The following HDAC4 variants were observed in gnomAD, a reference collection of about 807,000 sequenced individuals.
HDAC4 encodes histone deacetylase 4.
In HDAC4, 16 loss-of-function variants were observed where a neutral mutation model predicts 135.1. That is an observed-to-expected ratio of 0.12 (90% CI 0.08 to 0.18). The LOEUF (loss-of-function observed/expected upper bound fraction) is 0.18. Ranked by LOEUF, HDAC4 falls within the 10% of genes least tolerant of loss-of-function variation. The pLI is 1.00. For synonymous variants in HDAC4, 685 were observed against 653.4 expected (o/e 1.05, Z -0.74); for missense variants, 1,143 against 1,511.8 (o/e 0.76, Z 4.05).
chr2:239,220,978 G>A (rs1271170524), intron 3 of HDAC4, among the ~76,000 whole-genome samples: 1 of 152,130 alleles, frequency 6.6e-6, no homozygotes, highest in African/African-American at 2.4e-5. Flanking sequence ...TCATGACCAA[G>A]GCGAGGTACT....
chr2:239,337,097 A>G (rs928909490), intron 2 of HDAC4, among the ~76,000 whole-genome samples: 1 of 152,310 alleles, frequency 6.6e-6, no homozygotes, highest in African/African-American at 2.4e-5. Flanking sequence ...CACGGGGGAA[A>G]GTGCCATTCT....
At chr2:239,104,605 T>C (rs1260343917) in intron 15 of HDAC4, among the ~76,000 whole-genome samples, 1 of 152,204 alleles carries the variant, frequency 6.6e-6, no homozygotes, top group Non-Finnish European at 1.5e-5. Context: ...CAGGGCCAAG[T>C]TCCCTCTGGA....
intron 3 of HDAC4, among the ~76,000 whole-genome samples, chr2:239,227,031 T>C (rs1224293921): frequency 1.3e-5 from 2 of 152,136 alleles, no homozygotes; most frequent in African/African-American, 4.8e-5. Flanking sequence ...CACAAAATGC[T>C]GGAAGTCAGA....
In HDAC4 at chr2:239,308,255, C is replaced by T. The variant is rs1301707341; in HGVS notation, c.22+44423G>A. On this transcript the variant is annotated intron_variant, in intron 2 of 26. Coordinates refer to ENST00000543185, the MANE Select transcript of HDAC4 (RefSeq NM_001378414.1). The surrounding 1 kb of genome is among the most constrained non-coding windows in gnomAD (Gnocchi z 4.2). ...AGCTAGAGACCCGGGGGGGAGTCCA[C>T]TGCCTTGGGGACACGAGGGAGCCAG... 6.6e-6 allele frequency among the ~76,000 whole-genome samples: 1 copy of T among 152,162 alleles called. No homozygotes were observed. Among genetic ancestry groups the T allele is most frequent in the Non-Finnish European group, 1.5e-5 (1 of 68,010 alleles).
intron 3 of HDAC4, among the ~76,000 whole-genome samples, chr2:239,227,068 A>G (rs1192674587): frequency 2.6e-5 from 4 of 152,250 alleles, no homozygotes; most frequent in African/African-American, 9.6e-5. Flanking sequence ...AAGGTATCAG[A>G]GACAGCAAAG....
At chr2:239,244,067 G>C (rs1221535209) in intron 2 of HDAC4, among the ~76,000 whole-genome samples, 1 of 152,144 alleles carries the variant, frequency 6.6e-6, no homozygotes, top group Non-Finnish European at 1.5e-5. Context: ...GCCTCACTGG[G>C]ACTCCAGGGA....
At chr2:239,206,255 G>A (rs2046038086) in intron 3 of HDAC4, among the ~76,000 whole-genome samples, 1 of 152,218 alleles carries the variant, frequency 6.6e-6, no homozygotes, top group Admixed American at 6.5e-5. Context: ...CTGAGCGTGG[G>A]AGGCAGAGGC....
intron 1 of HDAC4, among the ~76,000 whole-genome samples, chr2:239,364,188 G>T (rs1694026641): frequency 6.6e-6 from 1 of 152,208 alleles, no homozygotes; most frequent in South Asian, 2.1e-4. Flanking sequence ...CCATGCCCCA[G>T]CAATGCCAGC....
intron 19 of HDAC4, chr2:239,085,892 G>A (rs2035892377): frequency 6.8e-6 from 1 of 146,306 alleles, no homozygotes; most frequent in Admixed American, 6.8e-5. Flanking sequence ...TATCTCTCAC[G>A]TACAGTCTCC....
chr2:239,202,628 A>AGGACTCT (rs2045824891), intron 3 of HDAC4, among the ~76,000 whole-genome samples: 1 of 152,128 alleles, frequency 6.6e-6, no homozygotes, highest in Admixed American at 6.5e-5. Flanking sequence ...TCTTCATCAC[A>AGGACTCT]GGGACAGGAT....
chr2:239,118,951 G>A (rs2152822004), intron 12 of HDAC4, among the ~76,000 whole-genome samples: 1 of 152,324 alleles, frequency 6.6e-6, no homozygotes, highest in East Asian at 1.9e-4. Context: ...GGGGGGCAGG[G>A]AGAACAGGGA....
intron 2 of HDAC4, among the ~76,000 whole-genome samples, chr2:239,336,315 G>A (rs1456659237): frequency 6.6e-6 from 1 of 152,190 alleles, no homozygotes; most frequent in African/African-American, 2.4e-5. Context: ...TTCCTTTTGG[G>A]AGAGTTCATC....
In HDAC4 at chr2:239,268,907, C is replaced by T. The variant is rs550793278; in HGVS notation, c.23-32243G>A. Among the ~76,000 whole-genome samples, 21 of 152,252 alleles carry T rather than the reference C, an allele frequency of 1.4e-4. No homozygotes were observed. The South Asian group carries it at 1.4e-3, about 11-fold the overall frequency. On this transcript the variant is annotated intron_variant, in intron 2 of 26. Transcript: ENST00000543185. ...AAAATGGAAAGAAACAAAGAAATGG[C>T]GACATAGAAGAATGGAATTGAGCTG...
intron 2 of HDAC4, among the ~76,000 whole-genome samples, chr2:239,249,142 G>T (rs930771822): frequency 6.6e-6 from 1 of 152,206 alleles, no homozygotes; most frequent in African/African-American, 2.4e-5. Context: ...TGGGATCAAC[G>T]ATCCCAACGA....
In HDAC4 at chr2:239,306,909, C is replaced by T. The variant is rs2052618908; in HGVS notation, c.22+45769G>A. ...GGCGTTCAGGAATGTCCAAGGAGGG[C>T]CTGAGCCTCCCGTGTGCACCTCCCC... On this transcript the variant is annotated intron_variant, in intron 2 of 26. Transcript: ENST00000543185. The surrounding 1 kb of genome is among the most constrained non-coding windows in gnomAD (Gnocchi z 4.5). Among the ~76,000 whole-genome samples, 1 of 152,000 alleles carries T rather than the reference C, an allele frequency of 6.6e-6. No individual in the cohort carries two copies. Among genetic ancestry groups the T allele is most frequent in the African/African-American group, 2.4e-5 (1 of 41,390 alleles).
At chr2:239,095,105 G>C (rs1347885927) in intron 16 of HDAC4, 49 bp from the exon 17 acceptor site, 3 of 1,609,078 alleles carry the variant, frequency 1.9e-6, no homozygotes, top group Admixed American at 1.7e-5. Flanking sequence ...ACGCGGCCAA[G>C]GTGCTCGACA....
intron 2 of HDAC4, among the ~76,000 whole-genome samples, chr2:239,243,595 G>A (rs368887884): frequency 3.3e-5 from 5 of 151,764 alleles, no homozygotes; most frequent in African/African-American, 4.9e-5. Flanking sequence ...TTTCAGACAC[G>A]GGAACGGAAG....
intron 2 of HDAC4, among the ~76,000 whole-genome samples, chr2:239,287,806 AG>A (rs1308284084): frequency 1.3e-5 from 2 of 152,248 alleles, no homozygotes; most frequent in Non-Finnish European, 2.9e-5. Flanking sequence ...AGACAAATCC[AG>A]CAAAGATGTA....
chr2:239,222,883 C>T (rs1289269680), intron 3 of HDAC4, among the ~76,000 whole-genome samples: 2 of 152,184 alleles, frequency 1.3e-5, no homozygotes, highest in Non-Finnish European at 2.9e-5. Flanking sequence ...TAAGCATTGT[C>T]ACCTGGATTC....
Sources: allele counts gnomAD v4.1 joint callset (sites outside exome capture counted in the v4.1 genomes callset), GRCh38; gene constraint gnomAD v4.1.1; non-coding constraint Gnocchi (gnomAD v3.1); transcripts MANE v1.5; gene names NCBI Gene and HGNC (gene_info 2026-07-23, HGNC 2026-07-21).